WRN: variants seen among roughly 807,000 people sequenced by gnomAD.
WRN encodes bifunctional 3'-5' exonuclease/ATP-dependent helicase WRN.
In WRN, 149 loss-of-function variants were observed where a neutral mutation model predicts 180.7. The observed-to-expected ratio is 0.82, with a 90% CI of 0.72 to 0.94. The LOEUF (loss-of-function observed/expected upper bound fraction) is 0.94. Among genes scored for constraint, WRN ranks in the 40% least tolerant of loss-of-function variants. The pLI, the probability that WRN is intolerant of heterozygous loss-of-function variation, is 0.00. For synonymous variants in WRN, 548 were observed against 568.9 expected (o/e 0.96, Z 0.52); for missense variants, 1,661 against 1,700.1 (o/e 0.98, Z 0.40).
intron 1 of WRN, among the ~76,000 whole-genome samples, chr8:31,041,063 TCTC>T (rs768103994): frequency 6.6e-6 from 1 of 152,150 alleles, no homozygotes; most frequent in African/African-American, 2.4e-5. Flanking sequence ...GTATTAGAGT[TCTC>T]CTGAGAAACA....
chr8:31,064,153 G>A, intron 3 of WRN, 136 bp from the exon 4 acceptor site: 1 of 877,098 alleles, frequency 1.1e-6, no homozygotes, highest in Non-Finnish European at 1.7e-6. Context: ...TTTTCTGGCT[G>A]TTCATTGTCA....
chr8:31,137,184 C>T (rs745840711), intron 24 of WRN, among the ~76,000 whole-genome samples: 15 of 151,502 alleles, frequency 9.9e-5, no homozygotes, highest in Non-Finnish European at 1.8e-4. Flanking sequence ...ATGGTGATTG[C>T]CATGGAAACA....
chr8:31,117,936 T>C (rs1801581536), intron 20 of WRN, among the ~76,000 whole-genome samples: 1 of 152,204 alleles, frequency 6.6e-6, no homozygotes, highest in South Asian at 2.1e-4. Context: ...GTCTTGAATA[T>C]TGTCAAATGA....
At chr8:31,057,185 A>G (rs765899773) in intron 1 of WRN, among the ~76,000 whole-genome samples, 1 of 152,310 alleles carries the variant, frequency 6.6e-6, no homozygotes, top group East Asian at 1.9e-4. Flanking sequence ...TTAAATATCA[A>G]ATACGACAGA....
intron 1 of WRN, among the ~76,000 whole-genome samples, chr8:31,047,232 C>T (rs1039123026): frequency 6.6e-6 from 1 of 151,146 alleles, no homozygotes; most frequent in Non-Finnish European, 1.5e-5. Flanking sequence ...AACCTCGAAT[C>T]CCTGGGCTCA....
rs151256367 is a variant in WRN at position 31,110,281 on chromosome 8, T to G, written c.2089-1334T>G. On this transcript the variant is annotated intron_variant, in intron 18 of 34. Transcript: ENST00000298139. Reference sequence around the variant, plus strand: ...ATTAGCTTGTTCATCTTTAAGTTGCTAGGCAGGCACTGTAAATTCAGAGAA... The same window carrying G: ...ATTAGCTTGTTCATCTTTAAGTTGCGAGGCAGGCACTGTAAATTCAGAGAA... 2.0e-5 allele frequency among the ~76,000 whole-genome samples: 3 copies of G among 152,346 alleles called. No homozygotes were observed. The East Asian group carries it at 5.8e-4, about 29-fold the overall frequency.
At chr8:31,151,855 T>C (rs548182510) in intron 31 of WRN, among the ~76,000 whole-genome samples, 7 of 152,152 alleles carry the variant, frequency 4.6e-5, no homozygotes, top group Non-Finnish European at 7.4e-5. Flanking sequence ...ACAACTTTAA[T>C]GTTTATTAAG....
intron 5 of WRN, among the ~76,000 whole-genome samples, chr8:31,065,992 C>A (rs768126354): frequency 6.6e-6 from 1 of 151,324 alleles, no homozygotes; most frequent in Non-Finnish European, 1.5e-5. Context: ...GGTTCTCCTG[C>A]CTCAGGCTCC....
In WRN at chr8:31,125,028, T is replaced by C. The variant is rs765444712; in HGVS notation, c.2825+28T>C. The C allele has an allele frequency of 1.3e-5, 20 of 1,586,942 alleles. 1 individual carries two copies. In the South Asian group the frequency reaches 2.1e-4, roughly 17 times the overall value. On this transcript the variant is annotated intron_variant, in intron 23 of 34. Coordinates refer to ENST00000298139, the MANE Select transcript of WRN (RefSeq NM_000553.6). ...AAAGATTTCTTATTATAGATGGACA[T>C]TCTAAAAGTCTTTCTTTCTCTTCCT...
intron 27 of WRN, 133 bp from the exon 28 acceptor site, chr8:31,143,417 T>A (rs1356877739): frequency 3.2e-6 from 2 of 617,966 alleles, no homozygotes; most frequent in Non-Finnish European, 5.7e-6. Flanking sequence ...GGAGGTTATT[T>A]TCAGGTGATT....
intron 21 of WRN, among the ~76,000 whole-genome samples, chr8:31,122,857 CTTGTT>C (rs1801773368): frequency 4.2e-5 from 2 of 47,952 alleles, no homozygotes; most frequent in African/African-American, 7.2e-5. Context: ...CATTTCTTTT[CTTGTT>C]TTTTTTTTTT....
Position 31,167,072 on chromosome 8 carries a change from A to G in WRN, c.4033A>G (p.Thr1345Ala), listed in dbSNP as rs774438611. 6.2e-7 allele frequency: 1 copy of G among 1,613,378 alleles called. No individual in the cohort carries two copies. Among genetic ancestry groups the G allele is most frequent in the Non-Finnish European group, 8.5e-7 (1 of 1,179,474 alleles). ...IRMLVPENID[T>A]YLIHMAIEIL... ...AATGTTAGTTCCTGAAAACATTGACACGTACCTTATCCACATGGCAATTGA... is the reference window on the plus strand; with the variant it reads ...AATGTTAGTTCCTGAAAACATTGACGCGTACCTTATCCACATGGCAATTGA... The change falls in exon 34 of 35, where the codon ACG (threonine) becomes GCG (alanine). Residue 1345 changes from threonine (T) to alanine (A), a missense_variant. Coordinates refer to ENST00000298139, the MANE Select transcript of WRN (RefSeq NM_000553.6).
At chr8:31,039,759 G>A (rs1337318429) in intron 1 of WRN, among the ~76,000 whole-genome samples, 3 of 152,098 alleles carry the variant, frequency 2.0e-5, no homozygotes, top group African/African-American at 7.2e-5. Flanking sequence ...TATCATGAAA[G>A]GGTGTTGGAT....
intron 21 of WRN, among the ~76,000 whole-genome samples, chr8:31,121,407 T>C (rs1294362769): frequency 1.3e-5 from 2 of 151,998 alleles, no homozygotes. Flanking sequence ...GTGGGAGATA[T>C]AGTAGTAAAG....
chr8:31,137,876 A>G (rs540117534), intron 24 of WRN, among the ~76,000 whole-genome samples: 104 of 152,230 alleles, frequency 6.8e-4, no homozygotes, highest in African/African-American at 2.4e-3. Context: ...AGGCACGAGG[A>G]TCTCTCAACC....
chr8:31,081,714 T>C (rs1345285255), intron 9 of WRN, among the ~76,000 whole-genome samples: 1 of 152,180 alleles, frequency 6.6e-6, no homozygotes, highest in Non-Finnish European at 1.5e-5. Context: ...CTCTTCTGAC[T>C]TTGATTTTTG....
intron 1 of WRN, among the ~76,000 whole-genome samples, chr8:31,048,903 C>A (rs1326810765): frequency 1.3e-5 from 2 of 152,022 alleles, no homozygotes; most frequent in African/African-American, 4.8e-5. Flanking sequence ...TTTTAATATT[C>A]TTTTCCACAC....
In WRN at chr8:31,173,345, G is replaced by T. The variant is rs1766025340; in HGVS notation, c.*243G>T. 4.1e-6 allele frequency: 2 copies of T among 491,830 alleles called. No homozygotes were observed. The highest frequency in any genetic ancestry group is 2.4e-5 in the South Asian group (1 of 42,068). 30.5% of individuals were successfully genotyped at this position (491,830 alleles called of 1,614,324 possible). On this transcript the variant is annotated 3_prime_UTR_variant, in exon 35 of 35. Transcript: ENST00000298139. ...ATTAAATTAGACTTCCTGTAAGATT[G>T]CTTTAAGAAACTGTTACTGTCCTGT...
chr8:31,085,110 A>G, intron 10 of WRN, 56 bp from the exon 11 acceptor site: 3 of 1,573,650 alleles, frequency 1.9e-6, no homozygotes, highest in Non-Finnish European at 2.6e-6. Flanking sequence ...TTCTGCAGAA[A>G]AGAGGATATG....
Sources: allele counts gnomAD v4.1 joint callset (sites outside exome capture counted in the v4.1 genomes callset), GRCh38; gene constraint gnomAD v4.1.1; transcripts MANE v1.5; gene names NCBI Gene and HGNC (gene_info 2026-07-23, HGNC 2026-07-21).